Variants in PRSS55 observed in about 807,000 individuals in gnomAD.
PRSS55 encodes the protein serine protease 55, also known as probable serine protease UNQ9391/PRO34284.
A neutral mutation model predicts 23.6 loss-of-function variants in PRSS55; 41 were observed. The ratio of observed to expected loss-of-function variants is 1.74; its 90% confidence interval spans 1.35 to 2.26. The LOEUF (loss-of-function observed/expected upper bound fraction) is 2.26. Among genes scored for constraint, PRSS55 ranks in the 30% most tolerant of loss-of-function variants. The pLI, the probability that PRSS55 is intolerant of heterozygous loss-of-function variation, is 0.00. For synonymous variants in PRSS55, 262 were observed against 175.5 expected, an observed-to-expected ratio of 1.49 and a Z score of -3.90; for missense variants, 669 against 439.1, an observed-to-expected ratio of 1.52 and a Z score of -4.68.
In PRSS55 at chr8:10,553,964, C is replaced by T; in HGVS notation, c.763C>T (p.Gln255Ter). The change falls in exon 5 of 5, where the codon CAA becomes TAA. Residue 255 changes from glutamine (Q) to a stop codon, truncating the protein, a stop_gained. Transcript: ENST00000522210. LOFTEE classifies it low-confidence loss of function (END_TRUNC). ...AAAGCAAAGCTATTTTCCCACTTTA[C>T]AAAGAATGAACACCGGAAGCTCTCA... 1 of 1,524,906 alleles carries T rather than the reference C, an allele frequency of 6.6e-7. No homozygotes were observed. Among genetic ancestry groups the T allele is most frequent in the Non-Finnish European group, 8.7e-7 (1 of 1,142,914 alleles). The allele number at this position is 1,524,906 out of a possible 1,614,324, so 94.5% of individuals were successfully genotyped here. A position where few individuals can be genotyped will look rare whatever the true frequency, so the allele number is the denominator to read the frequency against.
intron 4 of PRSS55, among the ~76,000 whole-genome samples, chr8:10,546,700 A>G (rs1246642902): frequency 6.6e-6 from 1 of 151,828 alleles, no homozygotes; most frequent in Admixed American, 6.6e-5. Context: ...AAACAAACAA[A>G]AAACACAGGG....
At chr8:10,531,167 A>T in intron 2 of PRSS55, 128 bp from the exon 3 acceptor site, 1 of 1,132,462 alleles carries the variant, frequency 8.8e-7, no homozygotes, top group Non-Finnish European at 1.3e-6. Flanking sequence ...CCTTCTGATC[A>T]ACAGCCCCAG....
chr8:10,550,005 C>T (rs566967326), intron 4 of PRSS55, among the ~76,000 whole-genome samples: 13 of 152,266 alleles, frequency 8.5e-5, no homozygotes, highest in Non-Finnish European at 1.6e-4. Context: ...CTGCAGCCTC[C>T]GCCTCCCAGG....
intron 3 of PRSS55, 35 bp downstream of exon 3, chr8:10,531,580 C>A (rs1355425823): frequency 1.9e-6 from 3 of 1,608,060 alleles, no homozygotes; most frequent in Non-Finnish European, 2.5e-6. Flanking sequence ...GGGGAAAAAG[C>A]CACTGCAATG....
chr8:10,538,455 A>G (rs1812531341), intron 4 of PRSS55, 21 bp from the exon 5 acceptor site: 1 of 1,574,034 alleles, frequency 6.4e-7, no homozygotes, highest in African/African-American at 1.4e-5. Context: ...CTCCCTGCTG[A>G]GCTGTGTTCT....
downstream of PRSS55, chr8:10,541,217 G>C (rs1289885130): frequency 6.6e-6 from 1 of 152,370 alleles, no homozygotes; most frequent in East Asian, 1.9e-4. Context: ...TCATGTGAAG[G>C]CTGCTGGGGA....
At chr8:10,546,347 G>T (rs943649224) in intron 4 of PRSS55, among the ~76,000 whole-genome samples, 1 of 152,160 alleles carries the variant, frequency 6.6e-6, no homozygotes, top group African/African-American at 2.4e-5. Context: ...CATGACCCCA[G>T]GGTTGCCACA....
chr8:10,531,602 G>C, intron 3 of PRSS55, 57 bp downstream of exon 3: 1 of 1,595,112 alleles, frequency 6.3e-7, no homozygotes, highest in Non-Finnish European at 8.5e-7. Flanking sequence ...GAAGGAGAGG[G>C]GAGGAAGCTA....
downstream of PRSS55, chr8:10,541,705 G>A (rs970273761): frequency 1.3e-5 from 2 of 152,188 alleles, no homozygotes; most frequent in East Asian, 1.9e-4. Context: ...TGGGGGAAGA[G>A]CTTCTGTACT....
intron 4 of PRSS55, among the ~76,000 whole-genome samples, chr8:10,549,839 G>T (rs1812912697): frequency 6.6e-6 from 1 of 152,184 alleles, no homozygotes; most frequent in Non-Finnish European, 1.5e-5. Context: ...TGGTGGTAAG[G>T]CCCTGTTCCC....
chr8:10,549,048 C>G (rs34515221), intron 4 of PRSS55, among the ~76,000 whole-genome samples: 42,412 of 152,172 alleles, frequency 0.28, 6,001 homozygotes, highest in Middle Eastern at 0.32. Flanking sequence ...TAGATGCAAC[C>G]AAGGCTAGGT....
downstream of PRSS55, among the ~76,000 whole-genome samples, chr8:10,543,495 C>T (rs1812729284): frequency 1.4e-5 from 1 of 73,716 alleles, no homozygotes; most frequent in African/African-American, 4.5e-5. Flanking sequence ...TTTTTTTTTT[C>T]CAAGGTCTTC....
At chr8:10,537,714 T>C (rs10094817) in intron 4 of PRSS55, among the ~76,000 whole-genome samples, 4,299 of 152,192 alleles carry the variant, frequency 0.028, 193 homozygotes, top group African/African-American at 0.097. Context: ...CTCATAAACA[T>C]ACAAAACTAT....
At chr8:10,531,700 C>A in intron 3 of PRSS55, 155 bp downstream of exon 3, 1 of 1,067,722 alleles carries the variant, frequency 9.4e-7, no homozygotes, top group Non-Finnish European at 1.3e-6. Flanking sequence ...CTTTTGGGTG[C>A]CGAAACCCCA....
In PRSS55 at chr8:10,525,726, C is replaced by T; in HGVS notation, c.141C>T (p.Pro47=). 1.2e-6 allele frequency: 2 copies of T among 1,607,260 alleles called. No homozygotes were observed. Among genetic ancestry groups the T allele is most frequent in the Middle Eastern group, 1.7e-4 (1 of 5,754 alleles). ...ACCGCCCTCAGCCCCCTCATCCCCCCAGCCCAGTCAGTGGTGAGTACAGGG... is the reference window on the plus strand; with the variant it reads ...ACCGCCCTCAGCCCCCTCATCCCCCTAGCCCAGTCAGTGGTGAGTACAGGG... ...GAHRPQPPHP[P]SPVSECGDRS... The change falls in exon 1 of 5, where the codon CCC becomes CCT. Residue 47 remains proline, a synonymous_variant. Transcript: ENST00000328655.
Position 10,525,591 on chromosome 8 carries a change from C to T in PRSS55, c.6C>T (p.Leu2=), listed in dbSNP as rs748371244. Reference sequence around the variant, plus strand: ...CCACAGCACAGCCCAGGGCCATGCTCCTGTTCTCAGTGTTGCTGCTCCTGT... The same window carrying T: ...CCACAGCACAGCCCAGGGCCATGCTTCTGTTCTCAGTGTTGCTGCTCCTGT... The part of the protein sequence containing the change: M[L]LFSVLLLLSL... Residue 2 remains leucine (L), a synonymous_variant, in exon 1 of 5, where the codon CTC becomes CTT. Transcript: ENST00000328655. 3.1e-6 allele frequency: 5 copies of T among 1,614,018 alleles called. No homozygotes were observed. Among genetic ancestry groups the T allele is most frequent in the East Asian group, 2.2e-5 (1 of 44,878 alleles).
intron 4 of PRSS55, among the ~76,000 whole-genome samples, chr8:10,553,481 A>C (rs1385075625): frequency 1.3e-5 from 2 of 152,258 alleles, no homozygotes; most frequent in Non-Finnish European, 2.9e-5. Context: ...CAAGAAGGAA[A>C]TTCTGTCATT....
chr8:10,551,626 C>G (rs1812952954), intron 4 of PRSS55, among the ~76,000 whole-genome samples: 1 of 152,236 alleles, frequency 6.6e-6, no homozygotes, highest in African/African-American at 2.4e-5. Context: ...CCTCCTAACC[C>G]TGGCAACGCT....
downstream of PRSS55, among the ~76,000 whole-genome samples, chr8:10,543,438 TCCTTCCATCC>T (rs371085529): frequency 0.013 from 306 of 22,816 alleles, 1 homozygote; most frequent in African/African-American, 0.017. Context: ...CTTCCTTCCT[TCCTTCCATCC>T]TTCCTTCCTT....
Sources: gnomAD v4.1 joint callset for allele counts (sites outside exome capture counted in the v4.1 genomes callset) on GRCh38, gnomAD v4.1.1 for gene constraint, MANE v1.5 for transcripts, NCBI Gene and HGNC (gene_info 2026-07-23, HGNC 2026-07-21) for gene names.